CRTC1: variants seen among roughly 807,000 people sequenced by gnomAD.
CRTC1 encodes CREB regulated transcription coactivator 1, also known as CREB-regulated transcription coactivator 1.
Under a neutral mutation model 66.1 loss-of-function variants are expected in CRTC1, and 18 were observed. The ratio of observed to expected loss-of-function variants is 0.27; its 90% CI spans 0.19 to 0.40. CRTC1 has a LOEUF of 0.40. Ranked by LOEUF, CRTC1 falls within the 10% of genes least tolerant of loss-of-function variation. The pLI, the probability that CRTC1 is intolerant of heterozygous loss-of-function variation, is 1.00. For missense variants in CRTC1, 669 were observed against 887.9 expected, an observed-to-expected ratio of 0.75 and a Z score of 3.13; for synonymous variants, 416 against 398.8, an observed-to-expected ratio of 1.04 and a Z score of -0.51.
chr19:18,702,923 G>A (rs1226472829), intron 1 of CRTC1, among the ~76,000 whole-genome samples: 7 of 151,986 alleles, frequency 4.6e-5, no homozygotes, highest in Non-Finnish European at 8.8e-5. Flanking sequence ...TGGTTGCGAC[G>A]GCCGGGCTGG....
chr19:18,702,931 T>G (rs1048257374), intron 1 of CRTC1, among the ~76,000 whole-genome samples: 1 of 152,148 alleles, frequency 6.6e-6, no homozygotes, highest in African/African-American at 2.4e-5. Context: ...ACGGCCGGGC[T>G]GGGACCTCCA....
Position 18,779,684 on chromosome 19 carries a change from TAGGAG to T in CRTC1, c.*2308_*2312del, listed in dbSNP as rs1284571893. ...TCCTCTGGTCTTCGGTGTGGACAGA[TAGGAG>T]AGGAGGGATGCCCACCTCGGAGCAT... On this transcript the variant is annotated 3_prime_UTR_variant, in exon 14 of 14. Coordinates refer to ENST00000321949, the MANE Select transcript of CRTC1 (RefSeq NM_015321.3). 1 of 223,098 alleles carries T rather than the reference TAGGAG, an allele frequency of 4.5e-6. No homozygotes were observed. The highest frequency in any genetic ancestry group is 8.9e-6 in the Non-Finnish European group (1 of 111,822). 13.8% of individuals were successfully genotyped at this position (223,098 alleles called of 1,614,324 possible). A position where few individuals can be genotyped will look rare whatever the true frequency, so the allele number is the denominator to read the frequency against.
Position 18,779,961 on chromosome 19 carries a change from G to A in CRTC1, c.*2579G>A, listed in dbSNP as rs1313557879. On this transcript the variant is annotated 3_prime_UTR_variant, in exon 14 of 14. Transcript: ENST00000321949. ...TGGACCTGGGCGGGCCTCCCAGGGGGTCTGTATCACGGCCTTTTGTGTGTG... is the reference window on the plus strand; with the variant it reads ...TGGACCTGGGCGGGCCTCCCAGGGGATCTGTATCACGGCCTTTTGTGTGTG... 4.4e-6 allele frequency: 1 copy of A among 229,364 alleles called. No individual in the cohort carries two copies. The highest frequency in any genetic ancestry group is 2.2e-5 in the African/African-American group (1 of 45,080). 14.2% of individuals were successfully genotyped at this position (229,364 alleles called of 1,614,324 possible). A position where few individuals can be genotyped will look rare whatever the true frequency, so the allele number is the denominator to read the frequency against.
chr19:18,735,126 A>G (rs931280294), intron 1 of CRTC1, among the ~76,000 whole-genome samples: 2 of 152,162 alleles, frequency 1.3e-5, no homozygotes, highest in Admixed American at 1.3e-4. Context: ...AGGAGGCTTG[A>G]GGGTCAGACA....
At chr19:18,692,246 G>A (rs978679957) in intron 1 of CRTC1, among the ~76,000 whole-genome samples, 1 of 152,182 alleles carries the variant, frequency 6.6e-6, no homozygotes, top group African/African-American at 2.4e-5. Context: ...GAGCTGGCTG[G>A]ACTTATGCAT....
At chr19:18,698,793 G>A (rs151064499) in intron 1 of CRTC1, among the ~76,000 whole-genome samples, 12 of 151,144 alleles carry the variant, frequency 7.9e-5, no homozygotes, top group African/African-American at 1.9e-4. Flanking sequence ...CTCAGCAGGC[G>A]TACAGTGTTC....
At chr19:18,714,017 C>G (rs76738973) in intron 1 of CRTC1, among the ~76,000 whole-genome samples, 2,080 of 152,290 alleles carry the variant, frequency 0.014, 59 homozygotes, top group African/African-American at 0.048. Flanking sequence ...CTCACCTCTC[C>G]TGGCACCCTA....
At chr19:18,730,858 G>A (rs75143303) in intron 1 of CRTC1, among the ~76,000 whole-genome samples, 5,024 of 152,200 alleles carry the variant, frequency 0.033, 294 homozygotes, top group African/African-American at 0.11. Flanking sequence ...GGTGTGCCCC[G>A]AGTCGTGGCC....
At chr19:18,702,657 C>G (rs1466075068) in intron 1 of CRTC1, among the ~76,000 whole-genome samples, 2 of 151,804 alleles carry the variant, frequency 1.3e-5, no homozygotes, top group Non-Finnish European at 2.9e-5. Flanking sequence ...CCCTCAGCCT[C>G]CCGAGTAGCT....
intron 1 of CRTC1, among the ~76,000 whole-genome samples, chr19:18,684,771 GGCAGAGCAGATACC>G (rs2052648536): frequency 2.0e-5 from 3 of 152,170 alleles, no homozygotes; most frequent in Non-Finnish European, 2.9e-5. Flanking sequence ...GCTCCTGTCT[GGCAGAGCAGATACC>G]CTGCAAATCT....
At chr19:18,698,165 G>GCTCAGCAGGCA (rs1293195437) in intron 1 of CRTC1, among the ~76,000 whole-genome samples, 1 of 151,816 alleles carries the variant, frequency 6.6e-6, no homozygotes. Context: ...CTCAGCAGGC[G>GCTCAGCAGGCA]CTCAGCAGGC....
intron 1 of CRTC1, among the ~76,000 whole-genome samples, chr19:18,716,635 C>T (rs2053513642): frequency 6.6e-6 from 1 of 152,166 alleles, no homozygotes; most frequent in African/African-American, 2.4e-5. Context: ...GTGGAGAGGG[C>T]ATGGCTAGTA....
At chr19:18,736,629 G>A (rs2054002125) in intron 1 of CRTC1, among the ~76,000 whole-genome samples, 1 of 152,028 alleles carries the variant, frequency 6.6e-6, no homozygotes, top group Non-Finnish European at 1.5e-5. Context: ...GGTAGCGACT[G>A]GTGGCTCCGG....
intron 1 of CRTC1, among the ~76,000 whole-genome samples, chr19:18,716,520 G>A (rs1054100303): frequency 1.3e-5 from 2 of 152,198 alleles, no homozygotes; most frequent in African/African-American, 2.4e-5. Flanking sequence ...AAAGTGCTGG[G>A]ATTACAGGTG....
chr19:18,768,660 GC>G lies in CRTC1; in HGVS notation c.1192del (p.Leu398CysfsTer7). ...GCGCCCGTCCGCCTGCCCCCTGGTGGCCCCCTGTTGCCCAGCGCCAGCCTGA... is the reference window on the plus strand; with the variant it reads ...GCGCCCGTCCGCCTGCCCCCTGGTGGCCCCTGTTGCCCAGCGCCAGCCTGA... ...PQAPVRLPPG[G>X]PLLPSASLTR... is the part of the protein sequence containing the mutation. On this transcript the variant is annotated frameshift_variant, in exon 10 of 14. Coordinates refer to ENST00000321949, the MANE Select transcript of CRTC1 (RefSeq NM_015321.3). LOFTEE classifies it high-confidence loss of function. The surrounding 1 kb of genome is among the most constrained non-coding windows in gnomAD (Gnocchi z 5.6). 2 of 1,543,048 alleles carry G rather than the reference GC, an allele frequency of 1.3e-6. No homozygotes were observed. Among genetic ancestry groups the G allele is most frequent in the Non-Finnish European group, 1.7e-6 (2 of 1,143,024 alleles).
chr19:18,752,211 G>A (rs1007649479), intron 5 of CRTC1, among the ~76,000 whole-genome samples: 4 of 152,050 alleles, frequency 2.6e-5, no homozygotes, highest in African/African-American at 9.7e-5. Context: ...GCTCTTGGGA[G>A]AGATTCTTGG....
intron 1 of CRTC1, among the ~76,000 whole-genome samples, chr19:18,725,583 G>T (rs1422256478): frequency 6.6e-6 from 1 of 152,146 alleles, no homozygotes; most frequent in Non-Finnish European, 1.5e-5. Context: ...GTGCTCACAG[G>T]GGCACCAGGC....
rs1050955374 is a variant in CRTC1 at position 18,779,997 on chromosome 19, G to GT, written c.*2622dup. On this transcript the variant is annotated 3_prime_UTR_variant, in exon 14 of 14. Transcript: ENST00000321949. Reference sequence around the variant, plus strand: ...GGCCTTTTGTGTGTGCGTACGTGTGGTTTTTTTAAATATCACTACTACATA... The same window carrying GT: ...GGCCTTTTGTGTGTGCGTACGTGTGGTTTTTTTTAAATATCACTACTACATA... 4.8e-5 allele frequency: 11 copies of GT among 229,020 alleles called. No individual in the cohort carries two copies. The highest frequency in any genetic ancestry group is 8.7e-5 in the Non-Finnish European group (10 of 115,506). 14.2% of individuals were successfully genotyped at this position (229,020 alleles called of 1,614,324 possible). A position where few individuals can be genotyped will look rare whatever the true frequency, so the allele number is the denominator to read the frequency against.
At chr19:18,701,084 G>A (rs929427698) in intron 1 of CRTC1, among the ~76,000 whole-genome samples, 1 of 152,192 alleles carries the variant, frequency 6.6e-6, no homozygotes, top group African/African-American at 2.4e-5. Flanking sequence ...CTATCTTTGC[G>A]CCCAGGCGGC....
Sources: gnomAD v4.1 joint callset for allele counts (sites outside exome capture counted in the v4.1 genomes callset) on GRCh38, gnomAD v4.1.1 for gene constraint, Gnocchi (gnomAD v3.1) non-coding constraint, MANE v1.5 for transcripts, NCBI Gene and HGNC (gene_info 2026-07-23, HGNC 2026-07-21) for gene names.